Variants in STK38L observed in about 807,000 individuals in gnomAD.
STK38L encodes the protein serine/threonine-protein kinase 38-like.
Under a neutral mutation model 59.7 loss-of-function variants are expected in STK38L, and 28 were observed. That is an observed-to-expected ratio of 0.47 (90% CI 0.35 to 0.64). The LOEUF (loss-of-function observed/expected upper bound fraction) is 0.64. Ranked by LOEUF, STK38L falls within the 30% of genes least tolerant of loss-of-function variation. The pLI is 0.01. For missense variants in STK38L, 314 were observed against 555.8 expected (o/e 0.56, Z 4.37); for synonymous variants, 162 against 176.8 (o/e 0.92, Z 0.66).
chr12:27,250,988 C>G (rs1430445712), intron 1 of STK38L, among the ~76,000 whole-genome samples: 4 of 120,022 alleles, frequency 3.3e-5, no homozygotes, highest in Non-Finnish European at 1.7e-5. Flanking sequence ...GACAGTGAGA[C>G]TCTGTCTCAA....
chr12:27,318,075 T>C, intron 11 of STK38L, 56 bp downstream of exon 11: 1 of 1,598,408 alleles, frequency 6.3e-7, no homozygotes, highest in African/African-American at 1.3e-5. Flanking sequence ...CCTAAGAACC[T>C]AAAAGACTCA....
chr12:27,272,407 A>G (rs548335974), intron 1 of STK38L, among the ~76,000 whole-genome samples: 1 of 152,344 alleles, frequency 6.6e-6, no homozygotes, highest in South Asian at 2.1e-4. Flanking sequence ...GAACTTTGCC[A>G]TGCGATTTAA....
At chr12:27,256,295 C>A (rs1441007352) in intron 1 of STK38L, among the ~76,000 whole-genome samples, 1 of 152,210 alleles carries the variant, frequency 6.6e-6, no homozygotes, top group African/African-American at 2.4e-5. Flanking sequence ...CTCTTCCAGG[C>A]TCCTTAGTGT....
At chr12:27,270,050 G>A (rs1013998235) in intron 1 of STK38L, among the ~76,000 whole-genome samples, 15 of 152,210 alleles carry the variant, frequency 9.9e-5, no homozygotes, top group South Asian at 2.1e-4. Context: ...TTTATTTTCA[G>A]TGTTGTCGCC....
chr12:27,296,507 T>C (rs1264274515), intron 1 of STK38L, among the ~76,000 whole-genome samples: 1 of 152,240 alleles, frequency 6.6e-6, no homozygotes, highest in Non-Finnish European at 1.5e-5. Context: ...TTTTGGTTCA[T>C]TCCATCAACC....
chr12:27,311,518 GTATAAA>G (rs1944452337), intron 5 of STK38L, among the ~76,000 whole-genome samples: 1 of 152,076 alleles, frequency 6.6e-6, no homozygotes, highest in African/African-American at 2.4e-5. Context: ...TGGAAAAAGT[GTATAAA>G]TATATTAATG....
At position 27,308,367 on chromosome 12, in the gene STK38L, G is replaced by A. The variant is rs746501951; in HGVS notation, c.215G>A (p.Arg72His). The change falls in exon 4 of 14, where the codon CGC becomes CAC. Residue 72 changes from arginine (R) to histidine (H), a missense_variant. By Grantham distance (29) the Arg-to-His change is conservative. Transcript: ENST00000389032. This position sits in a 1 kb window ranked among gnomAD's most constrained non-coding sequence, Gnocchi z 4.5. ...AAGTTACGTCGATCACAACACGCTCGCAAAGAAACAGAGTTCTTACGGCTC... is the reference window on the plus strand; with the variant it reads ...AAGTTACGTCGATCACAACACGCTCACAAAGAAACAGAGTTCTTACGGCTC... ...EKKLRRSQHA[R>H]KETEFLRLKR... 9.4e-6 allele frequency: 15 copies of A among 1,591,200 alleles called. No individual in the cohort carries two copies. In the Admixed American group the frequency reaches 1.2e-4, roughly 13 times the overall value.
At chr12:27,304,359 T>C (rs1375743294) in intron 3 of STK38L, among the ~76,000 whole-genome samples, 1 of 152,066 alleles carries the variant, frequency 6.6e-6, no homozygotes, top group Non-Finnish European at 1.5e-5. Context: ...CCCTGTACCT[T>C]TCCTAGGACT....
chr12:27,302,667 T>C (rs1944203632), intron 3 of STK38L, among the ~76,000 whole-genome samples: 1 of 152,110 alleles, frequency 6.6e-6, no homozygotes, highest in Admixed American at 6.6e-5. Context: ...CATCTTACTC[T>C]TTTGCTTAAT....
chr12:27,312,070 G>A (rs1379825620), intron 5 of STK38L, among the ~76,000 whole-genome samples: 2 of 152,086 alleles, frequency 1.3e-5, no homozygotes, highest in Non-Finnish European at 1.5e-5. Context: ...TAGTAGAGAC[G>A]GGGTTTCACC....
intron 1 of STK38L, among the ~76,000 whole-genome samples, chr12:27,248,504 A>G (rs1309985269): frequency 6.6e-6 from 1 of 152,206 alleles, no homozygotes; most frequent in African/African-American, 2.4e-5. Context: ...TAAAGGTTAG[A>G]AAAAAAGTAT....
In STK38L at chr12:27,317,952, T is replaced by G. The variant is rs1235475420; in HGVS notation, c.1012T>G (p.Trp338Gly). 1 of 1,613,922 alleles carries G rather than the reference T, an allele frequency of 6.2e-7. No homozygotes were observed. The highest frequency in any genetic ancestry group is 8.5e-7 in the Non-Finnish European group (1 of 1,179,960). ...PQETYRKVMNWKETLVFPPEV... is the reference protein window; with the variant it reads ...PQETYRKVMNGKETLVFPPEV... ...AGAAACGTACAGAAAAGTGATGAAC[T>G]GGAAAGAAACTCTGGTATTTCCTCC... is the stretch of plus-strand genomic sequence containing the variant. Residue 338 changes from tryptophan to glycine, a missense_variant, in exon 11 of 14, where the codon TGG (tryptophan) becomes GGG (glycine). This residue lies in a region of STK38L where 28 missense variants were observed against 96.7 expected (regional missense o/e 0.29). Coordinates refer to ENST00000389032, the MANE Select transcript of STK38L (RefSeq NM_015000.4).
At chr12:27,321,387 CAGA>C (rs1565559503) in intron 12 of STK38L, among the ~76,000 whole-genome samples, 1 of 152,074 alleles carries the variant, frequency 6.6e-6, no homozygotes, top group Non-Finnish European at 1.5e-5. Context: ...ATTTGTATGA[CAGA>C]AGTTTTTGCA....
rs1049183467 is a variant in STK38L, at chr12:27,251,880, A to C, written c.-12+7548A>C. 7.9e-5 allele frequency among the ~76,000 whole-genome samples: 12 copies of C among 152,334 alleles called. No homozygotes were observed. The South Asian group carries it at 2.5e-3, about 32-fold the overall frequency. ...GCACTCAATTGCTTACATTCTAACT[A>C]AAACAATTATGATAAAGGAATAGGG... On this transcript the variant is annotated intron_variant, in intron 1 of 13. Transcript: ENST00000389032.
chr12:27,292,738 A>G (rs1943923732), intron 1 of STK38L, among the ~76,000 whole-genome samples: 1 of 152,228 alleles, frequency 6.6e-6, no homozygotes, highest in African/African-American at 2.4e-5. Flanking sequence ...TACAATGGAA[A>G]GAACATCATA....
intron 1 of STK38L, among the ~76,000 whole-genome samples, chr12:27,279,688 ATT>A (rs10666650): frequency 7.5e-6 from 1 of 133,406 alleles, no homozygotes; most frequent in Non-Finnish European, 1.6e-5. Flanking sequence ...AAAAAAAAAA[ATT>A]TTTTTTTTTT....
chr12:27,244,937 T>G (rs890617857), intron 1 of STK38L, among the ~76,000 whole-genome samples: 2 of 152,184 alleles, frequency 1.3e-5, no homozygotes, highest in African/African-American at 2.4e-5. Flanking sequence ...CTCCCACTCC[T>G]TTTTTCACCT....
intron 5 of STK38L, 118 bp from the exon 6 acceptor site, chr12:27,312,431 A>G (rs1332365881): frequency 1.8e-6 from 2 of 1,102,728 alleles, no homozygotes; most frequent in Non-Finnish European, 2.6e-6. Flanking sequence ...CATGTATCAA[A>G]TCTTCTGAAA....
At chr12:27,292,686 C>T (rs1412898096) in intron 1 of STK38L, among the ~76,000 whole-genome samples, 1 of 152,100 alleles carries the variant, frequency 6.6e-6, no homozygotes, top group Non-Finnish European at 1.5e-5. Flanking sequence ...GGAGATTTTG[C>T]CCTTATTTGG....
Sources: allele counts gnomAD v4.1 joint callset (sites outside exome capture counted in the v4.1 genomes callset), GRCh38; gene constraint gnomAD v4.1.1; regional missense constraint gnomAD v4.1.1; non-coding constraint Gnocchi (gnomAD v3.1); transcripts MANE v1.5; gene names NCBI Gene and HGNC (gene_info 2026-07-23, HGNC 2026-07-21).